The following PLXND1 variants were observed in gnomAD, a reference collection of about 807,000 sequenced individuals.
PLXND1 encodes the protein plexin-D1.
PLXND1 carries 54 observed loss-of-function variants against 197.7 expected under a neutral mutation model. The ratio of observed to expected loss-of-function variants is 0.27; its 90% confidence interval spans 0.22 to 0.34. PLXND1 has a LOEUF of 0.34. Ranked by LOEUF, PLXND1 falls within the 10% of genes least tolerant of loss-of-function variation. PLXND1 has a pLI of 1.00. For synonymous variants in PLXND1, 1,180 were observed against 1,161.2 expected, an observed-to-expected ratio of 1.02 and a Z score of -0.33; for missense variants, 2,127 against 2,699.2, an observed-to-expected ratio of 0.79 and a Z score of 4.70.
chr3:129,600,329 T>C (rs2085688865), intron 1 of PLXND1, among the ~76,000 whole-genome samples: 1 of 152,202 alleles, frequency 6.6e-6, no homozygotes, highest in Non-Finnish European at 1.5e-5. Context: ...CTTTTCTCCC[T>C]CTTGATACTA....
Position 129,605,780 on chromosome 3 carries a change from G to C in PLXND1, c.860C>G (p.Ser287Cys), listed in dbSNP as rs1166527146. 2 of 1,583,032 alleles carry C rather than the reference G, an allele frequency of 1.3e-6. No homozygotes were observed. The highest frequency in any genetic ancestry group is 1.3e-5 in the African/African-American group (1 of 74,160). ...LGFVSAFLHP[S>C]DPPPGAQSYA... The stretch of plus-strand genomic sequence containing the variant: ...GGACTGTGCACCCGGCGGCGGGTCG[G>C]ACGGGTGCAGGAAGGCGCTCACGAA... Residue 287 changes from serine to cysteine, a missense_variant, in exon 1 of 36, where the codon TCC becomes TGC. Physicochemically the swap from Ser to Cys is moderately radical, Grantham distance 112 (BLOSUM62 -1). Around this residue, in one of 6 missense-constraint regions of PLXND1, gnomAD observed 1,095 missense variants for 1,259.8 expected, o/e 0.87. Coordinates refer to ENST00000324093, the MANE Select transcript of PLXND1 (RefSeq NM_015103.3).
intron 8 of PLXND1, among the ~76,000 whole-genome samples, chr3:129,582,504 G>A (rs2085400231): frequency 6.6e-6 from 1 of 152,220 alleles, no homozygotes; most frequent in African/African-American, 2.4e-5. Flanking sequence ...AGGAAGGCTG[G>A]TGCCCTACCC....
At position 129,572,614 on chromosome 3, in the gene PLXND1, C is replaced by T. The variant is rs779301177; in HGVS notation, c.3072G>A (p.Glu1024=). 2 of 1,535,464 alleles carry T rather than the reference C, an allele frequency of 1.3e-6. No individual in the cohort carries two copies. The highest frequency in any genetic ancestry group is 4.6e-5 in the East Asian group (2 of 43,914). ...VLVNDTDPCT[E]LMRTDTSIAC... is the part of the protein sequence containing the mutation. ...GGCCAGGCCCAGAGGCTTACATCAG[C>T]TCCGTGCAGGGGTCTGTGTCGTTCA... The change falls in exon 15 of 36, where the codon GAG becomes GAA. Residue 1024 remains glutamate, a synonymous_variant. Transcript: ENST00000324093.
At chr3:129,589,295 ACTCCCAGGGGAGCCTCCCACCCCCACCCC>A in intron 2 of PLXND1, 27 bp downstream of exon 2, 1 of 918,762 alleles carries the variant, frequency 1.1e-6, no homozygotes, top group Non-Finnish European at 1.7e-6. Flanking sequence ...CCCTCAGCCA[ACTCCCAGGGGAGCCTCCCACCCCCACCCC>A]CTCCCCACAT....
At chr3:129,556,903 C>T (rs2285356) in intron 34 of PLXND1, 180 bp downstream of exon 34, 25,130 of 747,180 alleles carry the variant, frequency 0.034, 2,164 homozygotes, top group East Asian at 0.26. Context: ...CTCCTGCCCC[C>T]GCTCCTCAAA....
rs1223688267 is a variant in PLXND1, at chr3:129,575,529, G to A, written c.2470C>T (p.Leu824Phe). Residue 824 changes from leucine to phenylalanine, a missense_variant, in exon 11 of 36, where the codon CTC (leucine) becomes TTC (phenylalanine). Coordinates refer to ENST00000324093, the MANE Select transcript of PLXND1 (RefSeq NM_015103.3). ...HTTRKSQVFP[L>F]SLQLKGRPAR... ...GGCCGCCCCTTTAGTTGGAGGCTGA[G>A]CGGGAACACCTGGCTCTTCCGGGTC... The A allele has an allele frequency of 6.4e-7, 1 of 1,557,804 alleles. No homozygotes were observed. Among genetic ancestry groups the A allele is most frequent in the East Asian group, 2.4e-5 (1 of 41,608 alleles).
intron 22 of PLXND1, 146 bp downstream of exon 22, chr3:129,567,346 G>C: frequency 1.6e-6 from 1 of 624,456 alleles, no homozygotes; most frequent in South Asian, 1.9e-5. Flanking sequence ...CCCGTGGCAG[G>C]CCAGGGCAAG....
At position 129,571,143 on chromosome 3, in the gene PLXND1, C is replaced by T; in HGVS notation, c.3497G>A (p.Ser1166Asn). 1 of 1,614,216 alleles carries T rather than the reference C, an allele frequency of 6.2e-7. No homozygotes were observed. The highest frequency in any genetic ancestry group is 8.5e-7 in the Non-Finnish European group (1 of 1,180,014). ...LLDPEEAQRG[S>N]RFRLDYLPNP... is the part of the protein sequence containing the mutation. ...GGGGAGGTAGTCCAGGCGGAACCTG[C>T]TGCCCCGCTGTGCCTCCTCGGGGTC... The change falls in exon 18 of 36, where the codon AGC becomes AAC. Residue 1166 changes from serine to asparagine, a missense_variant. Ser to Asn is a conservative substitution (Grantham distance 46). Transcript: ENST00000324093.
chr3:129,591,995 C>T (rs114038685), intron 1 of PLXND1, among the ~76,000 whole-genome samples: 1 of 152,238 alleles, frequency 6.6e-6, no homozygotes, highest in African/African-American at 2.4e-5. Context: ...CTTGCCCTTG[C>T]TCCTTCACCC....
Position 129,577,600 on chromosome 3 carries a change from G to A in PLXND1, c.2346+729C>T, listed in dbSNP as rs1224197688. ...CTCTCACGGGCCTCAGCTCCTCCAT[G>A]GAAGTAACAGATGGCGAGTTCCAGG... is the stretch of plus-strand genomic sequence containing the variant. On this transcript the variant is annotated intron_variant, in intron 9 of 35. Coordinates refer to ENST00000324093, the MANE Select transcript of PLXND1 (RefSeq NM_015103.3). The surrounding 1 kb of genome is among the most constrained non-coding windows in gnomAD (Gnocchi z 5.0). 6.6e-6 allele frequency among the ~76,000 whole-genome samples: 1 copy of A among 152,150 alleles called. No homozygotes were observed. Among genetic ancestry groups the A allele is most frequent in the Non-Finnish European group, 1.5e-5 (1 of 68,024 alleles).
chr3:129,603,664 A>G (rs1205835306), intron 1 of PLXND1, among the ~76,000 whole-genome samples: 1 of 152,182 alleles, frequency 6.6e-6, no homozygotes, highest in African/African-American at 2.4e-5. Flanking sequence ...GTGGCCGGCC[A>G]GATGGTGGGC....
chr3:129,587,136 G>A (rs1248213894), intron 2 of PLXND1, among the ~76,000 whole-genome samples: 2 of 152,156 alleles, frequency 1.3e-5, no homozygotes, highest in East Asian at 1.9e-4. Context: ...TGGGGCAGGC[G>A]GGCCATGAGC....
Position 129,561,704 on chromosome 3 carries a change from A to G in PLXND1, c.4935T>C (p.Pro1645=). The change falls in exon 29 of 36, where the codon CCT becomes CCC. Residue 1645 remains proline (P), a synonymous_variant. Coordinates refer to ENST00000324093, the MANE Select transcript of PLXND1 (RefSeq NM_015103.3). ...KLNTLAHYKI[P]EGASLAMSLI... The stretch of plus-strand genomic sequence containing the variant: ...GACTCATGGCCAGGGAGGCACCTTC[A>G]GGGATCTGATGGGAGGGGAGAGGCC... The G allele has an allele frequency of 2.1e-6, 3 of 1,453,214 alleles. No individual in the cohort carries two copies. The highest frequency in any genetic ancestry group is 2.8e-6 in the Non-Finnish European group (3 of 1,088,922). 90.0% of individuals were successfully genotyped at this position (1,453,214 alleles called of 1,614,324 possible). A position where few individuals can be genotyped will look rare whatever the true frequency, so the allele number is the denominator to read the frequency against.
chr3:129,592,724 T>TA (rs2085563408), intron 1 of PLXND1, among the ~76,000 whole-genome samples: 1 of 152,212 alleles, frequency 6.6e-6, no homozygotes, highest in African/African-American at 2.4e-5. Flanking sequence ...AAATAAAATT[T>TA]TAAAAAATTT....
chr3:129,556,163 CAGAG>C lies in PLXND1; in HGVS notation c.*145_*148del, dbSNP rs896969421. 6.0e-6 allele frequency: 4 copies of C among 670,020 alleles called. No individual in the cohort carries two copies. Among genetic ancestry groups the C allele is most frequent in the African/African-American group, 5.3e-5 (3 of 56,182 alleles). 41.5% of individuals were successfully genotyped at this position (670,020 alleles called of 1,614,324 possible). On this transcript the variant is annotated 3_prime_UTR_variant, in exon 36 of 36. Transcript: ENST00000324093. ...GGTCAAGGCGGGGGCGCCCCTGTCT[CAGAG>C]AGCAGCCCCTCCTCCTGCCCCCGCC... is the stretch of plus-strand genomic sequence containing the variant.
At chr3:129,590,581 C>CTGA (rs2085526101) in intron 1 of PLXND1, among the ~76,000 whole-genome samples, 1 of 152,208 alleles carries the variant, frequency 6.6e-6, no homozygotes, top group African/African-American at 2.4e-5. Context: ...TAAGCCCACA[C>CTGA]TGATTACAAG....
chr3:129,577,568 G>A lies in PLXND1; in HGVS notation c.2346+761C>T, dbSNP rs778394098. Among the ~76,000 whole-genome samples the A allele has an allele frequency of 3.2e-4, 48 of 152,130 alleles. No homozygotes were observed. Among genetic ancestry groups the A allele is most frequent in the Admixed American group, 5.9e-4 (9 of 15,288 alleles). On this transcript the variant is annotated intron_variant, in intron 9 of 35. Coordinates refer to ENST00000324093, the MANE Select transcript of PLXND1 (RefSeq NM_015103.3). The surrounding 1 kb of genome is among the most constrained non-coding windows in gnomAD (Gnocchi z 5.0). The stretch of plus-strand genomic sequence containing the variant: ...GATGCCCGGCACGTGGCCACCACGT[G>A]TGACAGCTCTCACGGGCCTCAGCTC...
chr3:129,593,656 C>A (rs1426721999), intron 1 of PLXND1, among the ~76,000 whole-genome samples: 1 of 152,232 alleles, frequency 6.6e-6, no homozygotes, highest in Non-Finnish European at 1.5e-5. Context: ...TGGTCAGCTG[C>A]TTTCTCTCTA....
chr3:129,584,199 A>G lies in PLXND1; in HGVS notation c.2064T>C (p.Asn688=). The G allele has an allele frequency of 1.3e-6, 2 of 1,590,646 alleles. No homozygotes were observed. Among genetic ancestry groups the G allele is most frequent in the Non-Finnish European group, 1.7e-6 (2 of 1,167,270 alleles). The change falls in exon 7 of 36, where the codon AAT becomes AAC. Residue 688 remains asparagine (N), a synonymous_variant. Coordinates refer to ENST00000324093, the MANE Select transcript of PLXND1 (RefSeq NM_015103.3). The part of the protein sequence containing the change: ...HVTVEMSVRV[N]GRNIVKANFT... ...AATTGGCCTTGACGATGTTCCGCCC[A>G]TTGACCCTCACAGACATCTCAACAG...
Sources: gnomAD v4.1 joint callset for allele counts (sites outside exome capture counted in the v4.1 genomes callset) on GRCh38, gnomAD v4.1.1 for gene constraint, gnomAD v4.1.1 regional missense constraint, Gnocchi (gnomAD v3.1) non-coding constraint, MANE v1.5 for transcripts, NCBI Gene and HGNC (gene_info 2026-07-23, HGNC 2026-07-21) for gene names.